Variants in ERP44 observed in about 807,000 individuals in gnomAD.
ERP44 encodes the protein endoplasmic reticulum protein 44.
ERP44 carries 25 observed loss-of-function variants against 53.4 expected under a neutral mutation model. The ratio of observed to expected loss-of-function variants is 0.47; its 90% CI spans 0.34 to 0.65. ERP44 has a LOEUF of 0.65. ERP44 is among the 30% of genes least tolerant of loss of function. ERP44 has a pLI of 0.01. For missense variants in ERP44, 338 were observed against 493.2 expected, an observed-to-expected ratio of 0.69 and a Z score of 2.98; for synonymous variants, 145 against 161.2, an observed-to-expected ratio of 0.90 and a Z score of 0.76.
At chr9:100,035,050 TATC>T (rs1023766598) in intron 4 of ERP44, among the ~76,000 whole-genome samples, 9 of 152,186 alleles carry the variant, frequency 5.9e-5, no homozygotes, top group African/African-American at 2.2e-4. Flanking sequence ...GACCTCTACA[TATC>T]ATCATATACA....
intron 8 of ERP44, among the ~76,000 whole-genome samples, chr9:100,014,013 G>A (rs1422847106): frequency 6.6e-6 from 1 of 152,176 alleles, no homozygotes; most frequent in African/African-American, 2.4e-5. Context: ...TAAATATAAA[G>A]TTGAGTGAAA....
At position 100,006,102 on chromosome 9, in the gene ERP44, C is replaced by T. The variant is rs1026454073; in HGVS notation, c.1016+404G>A. ...CTAATGTTCTTGCTATGTGAAGTCA[C>T]GAATGAACAGCAATATTACCAATTT... On this transcript the variant is annotated intron_variant, in intron 10 of 11. Transcript: ENST00000262455. Among the ~76,000 whole-genome samples the T allele has an allele frequency of 3.3e-5, 5 of 152,276 alleles. No individual in the cohort carries two copies. The South Asian group carries it at 8.3e-4, about 25-fold the overall frequency.
chr9:100,015,541 T>A (rs996468015), intron 8 of ERP44, among the ~76,000 whole-genome samples: 1 of 152,234 alleles, frequency 6.6e-6, no homozygotes, highest in Non-Finnish European at 1.5e-5. Flanking sequence ...CGGTTACCTA[T>A]CACTGCTACC....
chr9:100,000,035 G>A (rs983652451), intron 10 of ERP44, among the ~76,000 whole-genome samples: 3 of 152,044 alleles, frequency 2.0e-5, no homozygotes, highest in African/African-American at 7.3e-5. Context: ...TCTCTAGTTT[G>A]CTAGGATTTT....
chr9:100,078,239 T>C (rs1344082055), intron 1 of ERP44, among the ~76,000 whole-genome samples: 5 of 151,374 alleles, frequency 3.3e-5, no homozygotes, highest in African/African-American at 4.9e-5. Flanking sequence ...GGGCAGATCA[T>C]CTGAAGTCAG....
At chr9:99,988,306 T>C (rs191485743) in intron 10 of ERP44, among the ~76,000 whole-genome samples, 14 of 152,324 alleles carry the variant, frequency 9.2e-5, no homozygotes, top group African/African-American at 3.4e-4. Flanking sequence ...CTTTTATGGA[T>C]AGTGCTTTTG....
At chr9:100,033,973 GTAAAAGAGAGAGGGAAAATA>G (rs1253847232) in intron 4 of ERP44, among the ~76,000 whole-genome samples, 3 of 152,252 alleles carry the variant, frequency 2.0e-5, no homozygotes, top group African/African-American at 7.2e-5. Flanking sequence ...GGGTTCCCTT[GTAAAAGAGAGAGGGAAAATA>G]TGCCAGAGGC....
intron 1 of ERP44, among the ~76,000 whole-genome samples, chr9:100,060,411 T>A (rs1157324246): frequency 3.3e-5 from 5 of 152,172 alleles, no homozygotes; most frequent in Admixed American, 2.6e-4. Context: ...ATATACAAAA[T>A]AGCTTCTAAG....
chr9:100,075,086 C>T (rs1022872771), intron 1 of ERP44, among the ~76,000 whole-genome samples: 2 of 152,190 alleles, frequency 1.3e-5, no homozygotes, highest in African/African-American at 4.8e-5. Flanking sequence ...GGAGGGACTG[C>T]AGAGATTAGT....
At chr9:100,074,918 G>C (rs956083302) in intron 1 of ERP44, among the ~76,000 whole-genome samples, 3 of 152,182 alleles carry the variant, frequency 2.0e-5, no homozygotes, top group Non-Finnish European at 4.4e-5. Flanking sequence ...GTGCCAGAAT[G>C]CCTAATTGGC....
intron 1 of ERP44, among the ~76,000 whole-genome samples, chr9:100,084,660 A>G (rs1030614283): frequency 2.6e-5 from 4 of 152,238 alleles, no homozygotes; most frequent in African/African-American, 9.6e-5. Context: ...AGATACCAAG[A>G]AAACATCTTT....
Position 100,057,917 on chromosome 9 carries a change from C to G in ERP44, c.131-58G>C, listed in dbSNP as rs187272192. 8.5e-5 allele frequency: 109 copies of G among 1,279,092 alleles called. No individual in the cohort carries two copies. The African/African-American group carries it at 1.3e-3, about 15-fold the overall frequency. The allele number at this position is 1,279,092 out of a possible 1,614,324, so 79.2% of individuals were successfully genotyped here. A position where few individuals can be genotyped will look rare whatever the true frequency, so the allele number is the denominator to read the frequency against. ...TTGTAATAATTTTGACATAATTAAACATACAGTTTCATTATGATCTTTGTC... is the reference window on the plus strand; with the variant it reads ...TTGTAATAATTTTGACATAATTAAAGATACAGTTTCATTATGATCTTTGTC... On this transcript the variant is annotated intron_variant, in intron 2 of 11. Coordinates refer to ENST00000262455, the MANE Select transcript of ERP44 (RefSeq NM_015051.3).
intron 10 of ERP44, among the ~76,000 whole-genome samples, chr9:100,004,811 T>C (rs1587959865): frequency 6.6e-6 from 1 of 152,234 alleles, no homozygotes; most frequent in South Asian, 2.1e-4. Flanking sequence ...ACTTGATGTT[T>C]CTGTGTGGAG....
chr9:100,094,852 G>A (rs920338883), intron 1 of ERP44, among the ~76,000 whole-genome samples: 3 of 151,388 alleles, frequency 2.0e-5, no homozygotes, highest in African/African-American at 7.3e-5. Flanking sequence ...TAGTCCCAGA[G>A]TCCCAGCTAT....
chr9:99,998,326 G>T, intron 10 of ERP44: 1 of 507,880 alleles, frequency 2.0e-6, no homozygotes, highest in South Asian at 2.1e-5. Flanking sequence ...CCTGTTCTCA[G>T]GATCTGTCCC....
chr9:100,088,982 C>G (rs548230590), intron 1 of ERP44, among the ~76,000 whole-genome samples: 2 of 152,288 alleles, frequency 1.3e-5, no homozygotes, highest in African/African-American at 4.8e-5. Flanking sequence ...GTAGCACAGT[C>G]TTTACATTAG....
At chr9:100,098,188 G>C (rs1260239541) in intron 1 of ERP44, among the ~76,000 whole-genome samples, 1 of 152,190 alleles carries the variant, frequency 6.6e-6, no homozygotes, top group Admixed American at 6.5e-5. Flanking sequence ...GAAATACGTT[G>C]CAATAAGATT....
chr9:100,049,124 A>T (rs1826008710), intron 4 of ERP44, among the ~76,000 whole-genome samples: 1 of 152,228 alleles, frequency 6.6e-6, no homozygotes, highest in Non-Finnish European at 1.5e-5. Flanking sequence ...CTCAAAACTC[A>T]GAGGGCAGGG....
chr9:100,032,270 A>G (rs1825800440), intron 4 of ERP44, among the ~76,000 whole-genome samples: 1 of 152,222 alleles, frequency 6.6e-6, no homozygotes, highest in Admixed American at 6.5e-5. Context: ...CCAGTAATCC[A>G]ATTAAAAAAC....
Sources: gnomAD v4.1 joint callset for allele counts (sites outside exome capture counted in the v4.1 genomes callset) on GRCh38, gnomAD v4.1.1 for gene constraint, MANE v1.5 for transcripts, NCBI Gene and HGNC (gene_info 2026-07-23, HGNC 2026-07-21) for gene names.